Variants in PRICKLE1 observed in about 807,000 individuals in gnomAD.
PRICKLE1 encodes the protein prickle-like protein 1.
In PRICKLE1, 14 loss-of-function variants were observed where a neutral mutation model predicts 70.2. That is an observed-to-expected ratio of 0.20 (90% CI 0.13 to 0.31). The LOEUF is 0.31. PRICKLE1 is among the 10% of genes least tolerant of loss of function. The pLI is 1.00. For missense variants in PRICKLE1, 821 were observed against 1,026.2 expected, an observed-to-expected ratio of 0.80 and a Z score of 2.73; for synonymous variants, 357 against 379.9, an observed-to-expected ratio of 0.94 and a Z score of 0.70.
rs559093461 is a variant in PRICKLE1, at chr12:42,580,124, C to T, written c.-49+9341G>A. Among the ~76,000 whole-genome samples, 68 of 152,180 alleles carry T rather than the reference C, an allele frequency of 4.5e-4. No homozygotes were observed. In the Middle Eastern group the frequency reaches 0.02, roughly 46 times the overall value. On this transcript the variant is annotated intron_variant, in intron 1 of 7. Coordinates refer to ENST00000345127, the MANE Select transcript of PRICKLE1 (RefSeq NM_153026.3). Reference sequence around the variant, plus strand: ...TCTTGGCCTCAAGTGATCTGCCTGCCTCGGCCTCCCAAAGTGCTGGGATTA... The same window carrying T: ...TCTTGGCCTCAAGTGATCTGCCTGCTTCGGCCTCCCAAAGTGCTGGGATTA...
chr12:42,578,575 T>C (rs1406917303), intron 1 of PRICKLE1, among the ~76,000 whole-genome samples: 1 of 152,138 alleles, frequency 6.6e-6, no homozygotes, highest in Non-Finnish European at 1.5e-5. Flanking sequence ...TATTCTACCA[T>C]GTTTCTCTGG....
intron 1 of PRICKLE1, among the ~76,000 whole-genome samples, chr12:42,527,916 AATATATATATATATATATATATATATAT>A (rs1163552624): frequency 0.018 from 363 of 20,164 alleles, 15 homozygotes; most frequent in African/African-American, 0.048. Flanking sequence ...TACTCTTTAT[AATATATATATATATATATATATATATAT>A]ATATATATAT....
intron 1 of PRICKLE1, among the ~76,000 whole-genome samples, chr12:42,551,522 G>C (rs1940317483): frequency 6.6e-6 from 1 of 152,172 alleles, no homozygotes; most frequent in South Asian, 2.1e-4. Flanking sequence ...GCAGCCTGCA[G>C]AACAGGAAGA....
intron 1 of PRICKLE1, among the ~76,000 whole-genome samples, chr12:42,544,356 C>T (rs991013662): frequency 6.6e-6 from 1 of 152,186 alleles, no homozygotes; most frequent in African/African-American, 2.4e-5. Context: ...TGTCAATGCA[C>T]TATTCCTCAA....
At chr12:42,496,315 T>C (rs1414641227) in intron 1 of PRICKLE1, among the ~76,000 whole-genome samples, 1 of 152,244 alleles carries the variant, frequency 6.6e-6, no homozygotes, top group Non-Finnish European at 1.5e-5. Flanking sequence ...TAGTAAACCA[T>C]GCTATAAACA....
At chr12:42,518,099 G>C (rs1248717038) in intron 1 of PRICKLE1, among the ~76,000 whole-genome samples, 1 of 140,144 alleles carries the variant, frequency 7.1e-6, no homozygotes, top group South Asian at 2.4e-4. Flanking sequence ...AGAAGTTTCT[G>C]AGGATTTTTT....
intron 1 of PRICKLE1, among the ~76,000 whole-genome samples, chr12:42,558,406 A>G (rs1003803900): frequency 1.3e-5 from 2 of 152,254 alleles, no homozygotes; most frequent in African/African-American, 4.8e-5. Context: ...AATTAAAACA[A>G]CAACAAAAAA....
intron 1 of PRICKLE1, among the ~76,000 whole-genome samples, chr12:42,584,844 T>C (rs1244879921): frequency 6.6e-6 from 1 of 152,124 alleles, no homozygotes. Context: ...CGGGTCTGCA[T>C]CTCACAGCAA....
At chr12:42,579,312 T>C (rs1395351027) in intron 1 of PRICKLE1, among the ~76,000 whole-genome samples, 1 of 152,132 alleles carries the variant, frequency 6.6e-6, no homozygotes, top group Non-Finnish European at 1.5e-5. Flanking sequence ...AGGGACAGAG[T>C]GAGCTGTGAT....
At chr12:42,499,379 G>T (rs1008845272) in intron 1 of PRICKLE1, among the ~76,000 whole-genome samples, 5 of 151,848 alleles carry the variant, frequency 3.3e-5, no homozygotes, top group African/African-American at 1.2e-4. Context: ...GCTTTTCCTG[G>T]CTTTTCTCTT....
chr12:42,584,479 T>A (rs995296911), intron 1 of PRICKLE1: 3 of 152,166 alleles, frequency 2.0e-5, no homozygotes, highest in Admixed American at 1.3e-4. Context: ...AAAATGGCTA[T>A]CCTAGAAAAC....
At chr12:42,471,219 C>G (rs1342804461) in intron 2 of PRICKLE1, among the ~76,000 whole-genome samples, 1 of 152,134 alleles carries the variant, frequency 6.6e-6, no homozygotes, top group Admixed American at 6.5e-5. Flanking sequence ...TGGAGAGAAG[C>G]CACATTGAGC....
chr12:42,576,992 A>T (rs1940815024), intron 1 of PRICKLE1, among the ~76,000 whole-genome samples: 1 of 152,204 alleles, frequency 6.6e-6, no homozygotes. Flanking sequence ...TAAGAAAGTT[A>T]TTAGGGTTAT....
At chr12:42,477,477 T>TGC (rs1275772736) in intron 1 of PRICKLE1, among the ~76,000 whole-genome samples, 2 of 50,812 alleles carry the variant, frequency 3.9e-5, no homozygotes, top group African/African-American at 8.3e-5. Context: ...TGTGTGTGTG[T>TGC]GTGTGTATAT....
At chr12:42,535,376 C>G (rs1291887653) in intron 1 of PRICKLE1, among the ~76,000 whole-genome samples, 4 of 152,164 alleles carry the variant, frequency 2.6e-5, no homozygotes, top group Non-Finnish European at 5.9e-5. Flanking sequence ...AACACATTTC[C>G]TTTTCTCAGA....
chr12:42,490,587 C>T (rs1939081236), intron 1 of PRICKLE1, among the ~76,000 whole-genome samples: 1 of 152,148 alleles, frequency 6.6e-6, no homozygotes, highest in Non-Finnish European at 1.5e-5. Context: ...CCACAGTAGT[C>T]AAGGGGAGAG....
At chr12:42,578,441 C>T (rs1414036841) in intron 1 of PRICKLE1, among the ~76,000 whole-genome samples, 10 of 152,116 alleles carry the variant, frequency 6.6e-5, no homozygotes, top group Admixed American at 5.2e-4. Flanking sequence ...AGTCACATAG[C>T]TTCCTTGTTG....
In PRICKLE1 at chr12:42,458,260, TG is replaced by T. The variant is rs1270627607; in HGVS notation, c.*1548del. ...CACGAGACAAATGGAGGTCTGTTAA[TG>T]GTAGGGCAACTGCAAAATAAATCAT... On this transcript the variant is annotated 3_prime_UTR_variant, in exon 8 of 8. Coordinates refer to ENST00000345127, the MANE Select transcript of PRICKLE1 (RefSeq NM_153026.3). 45 of 152,372 alleles carry T rather than the reference TG, an allele frequency of 3.0e-4. No individual in the cohort carries two copies. Among genetic ancestry groups the T allele is most frequent in the African/African-American group, 1.0e-3 (43 of 41,596 alleles). 9.4% of individuals were successfully genotyped at this position (152,372 alleles called of 1,614,324 possible). A position where few individuals can be genotyped will look rare whatever the true frequency, so the allele number is the denominator to read the frequency against.
intron 1 of PRICKLE1, among the ~76,000 whole-genome samples, chr12:42,557,293 G>C (rs976635505): frequency 6.6e-6 from 1 of 152,224 alleles, no homozygotes; most frequent in Non-Finnish European, 1.5e-5. Flanking sequence ...CTTGGGGACA[G>C]TGCCTGGACG....
Sources: gnomAD v4.1 joint callset for allele counts (sites outside exome capture counted in the v4.1 genomes callset) on GRCh38, gnomAD v4.1.1 for gene constraint, MANE v1.5 for transcripts, NCBI Gene and HGNC (gene_info 2026-07-23, HGNC 2026-07-21) for gene names.